CDK5RAP3: variants seen among roughly 807,000 people sequenced by gnomAD.
CDK5RAP3 encodes CDK5 regulatory subunit-associated protein 3.
A neutral mutation model predicts 73.3 loss-of-function variants in CDK5RAP3; 58 were observed. The ratio of observed to expected loss-of-function variants is 0.79; its 90% CI spans 0.64 to 0.98. The LOEUF (loss-of-function observed/expected upper bound fraction) is 0.98, where lower values mean the gene tolerates loss of function less well. Ranked by LOEUF, CDK5RAP3 falls within the 50% of genes least tolerant of loss-of-function variation. The pLI is 0.00. For synonymous variants in CDK5RAP3, 224 were observed against 247.5 expected, an observed-to-expected ratio of 0.91 and a Z score of 0.89; for missense variants, 525 against 615.8, an observed-to-expected ratio of 0.85 and a Z score of 1.56.
At chr17:47,975,684 G>A in intron 7 of CDK5RAP3, 31 bp downstream of exon 7, 1 of 1,577,384 alleles carries the variant, frequency 6.3e-7, no homozygotes, top group Non-Finnish European at 8.6e-7. Flanking sequence ...CCTGGTGGGG[G>A]TGCTTTGCCT....
rs780853275 is a variant in CDK5RAP3 at position 47,981,257 on chromosome 17, G to A, written c.1378G>A (p.Glu460Lys). ...AGAGCTGATGGTGCAGAAGCAGCAG[G>A]AGGCACTTGAGGAGCAGGCGGCTCT... ...KKELMVQKQQ[E>K]ALEEQAALEP... Residue 460 changes from glutamate (E) to lysine (K), a missense_variant, in exon 13 of 14, where the codon GAG becomes AAG. Physicochemically the swap from Glu to Lys is moderately conservative, Grantham distance 56. Around this residue, in one of 2 missense-constraint regions of CDK5RAP3, gnomAD observed 116 missense variants for 186.1 expected, o/e 0.62. Coordinates refer to ENST00000338399, the MANE Select transcript of CDK5RAP3 (RefSeq NM_176096.3). 5 of 1,614,242 alleles carry A rather than the reference G, an allele frequency of 3.1e-6. No homozygotes were observed. In the South Asian group the frequency reaches 3.3e-5, roughly 11 times the overall value.
In CDK5RAP3 at chr17:47,981,514, T is replaced by A; in HGVS notation, c.*12T>A. 1 of 1,614,258 alleles carries A rather than the reference T, an allele frequency of 6.2e-7. No homozygotes were observed. Among genetic ancestry groups the A allele is most frequent in the Non-Finnish European group, 8.5e-7 (1 of 1,180,050 alleles). ...GAACCTCTCTGTGACACCCTCCGTGTTCTTGCCTGCCCATCTTCTCCGCTT... is the reference window on the plus strand; with the variant it reads ...GAACCTCTCTGTGACACCCTCCGTGATCTTGCCTGCCCATCTTCTCCGCTT... On this transcript the variant is annotated 3_prime_UTR_variant, in exon 14 of 14. Transcript: ENST00000338399.
intron 2 of CDK5RAP3, among the ~76,000 whole-genome samples, chr17:47,972,889 A>G (rs1043008004): frequency 1.1e-4 from 16 of 152,210 alleles, no homozygotes; most frequent in Admixed American, 9.2e-4. Context: ...ACCCAGGACC[A>G]TCTGACCACA....
intron 8 of CDK5RAP3, chr17:47,976,348 C>G (rs2036411711): frequency 2.7e-6 from 1 of 369,840 alleles, no homozygotes; most frequent in South Asian, 3.2e-5. Flanking sequence ...GAAGGCAGCC[C>G]CACCCTCCTT....
chr17:47,974,164 T>C, intron 4 of CDK5RAP3, 133 bp downstream of exon 4: 1 of 735,656 alleles, frequency 1.4e-6, no homozygotes, highest in East Asian at 2.6e-5. Flanking sequence ...ACTCTGTCTC[T>C]ATAGTTTACT....
chr17:47,980,413 C>A, intron 11 of CDK5RAP3, 180 bp from the exon 12 acceptor site: 2 of 648,284 alleles, frequency 3.1e-6, no homozygotes, highest in Non-Finnish European at 5.6e-6. Flanking sequence ...GGACTACAGG[C>A]ATACACCACC....
chr17:47,981,057 G>A (rs559413871), intron 12 of CDK5RAP3, 106 bp from the exon 13 acceptor site: 10 of 1,234,946 alleles, frequency 8.1e-6, no homozygotes, highest in South Asian at 2.8e-5. Flanking sequence ...GAGGGTAAGC[G>A]GCCAGTTGGG....
chr17:47,976,080 A>G lies in CDK5RAP3; in HGVS notation c.798+67A>G, dbSNP rs115641190. The G allele has an allele frequency of 3.2e-3, 4,948 of 1,557,854 alleles. 101 individuals are homozygous for G. The African/African-American group carries it at 0.048, about 15-fold the overall frequency. On this transcript the variant is annotated intron_variant, in intron 8 of 13. Transcript: ENST00000338399. ...GCTGCTTGTCCCCTCCCCACCCCCA[A>G]CAGCCCAACCCAAGACCCAGAGAGA...
At chr17:47,981,127 C>T in intron 12 of CDK5RAP3, 36 bp from the exon 13 acceptor site, 1 of 1,590,254 alleles carries the variant, frequency 6.3e-7, no homozygotes, top group Non-Finnish European at 8.6e-7. Context: ...TCAGGATGCA[C>T]AGCTAACCCA....
At chr17:47,976,499 A>T in intron 8 of CDK5RAP3, 1 of 458,816 alleles carries the variant, frequency 2.2e-6, no homozygotes. Context: ...AGCTGGGATT[A>T]CAGGTTTGCA....
At position 47,973,942 on chromosome 17, in the gene CDK5RAP3, T is replaced by C; in HGVS notation, c.196T>C (p.Phe66Leu). The change falls in exon 4 of 14, where the codon TTT (phenylalanine) becomes CTT (leucine). Residue 66 changes from phenylalanine (F) to leucine (L), a missense_variant. By Grantham distance (22) the Phe-to-Leu change is conservative. Around this residue, in one of 2 missense-constraint regions of CDK5RAP3, gnomAD observed 409 missense variants for 429.8 expected, o/e 0.95. Transcript: ENST00000338399. ...CTCTTGCTTTCTAGACATTCACTACTTTCACTGCCTAAGAATCCTGGACCT... is the reference window on the plus strand; with the variant it reads ...CTCTTGCTTTCTAGACATTCACTACCTTCACTGCCTAAGAATCCTGGACCT... Reference protein sequence around the residue: ...QLLSGSYIHYFHCLRILDLLK... With the variant: ...QLLSGSYIHYLHCLRILDLLK... The C allele has an allele frequency of 1.2e-6, 2 of 1,613,346 alleles. No individual in the cohort carries two copies. The highest frequency in any genetic ancestry group is 1.7e-6 in the Non-Finnish European group (2 of 1,179,246).
At chr17:47,979,875 G>A (rs1443923783) in intron 11 of CDK5RAP3, 1 of 152,264 alleles carries the variant, frequency 6.6e-6, no homozygotes, top group Non-Finnish European at 1.5e-5. Context: ...AGTTTTAACG[G>A]CAGAATAGGA....
intron 12 of CDK5RAP3, 69 bp downstream of exon 12, chr17:47,980,867 G>T: frequency 6.7e-7 from 1 of 1,489,662 alleles, no homozygotes; most frequent in Non-Finnish European, 9.4e-7. Context: ...TCCTCCTCTT[G>T]TTCCATGACC....
chr17:47,969,658 C>A (rs985207478), upstream of CDK5RAP3, among the ~76,000 whole-genome samples: 5 of 151,814 alleles, frequency 3.3e-5, no homozygotes, highest in Admixed American at 1.3e-4. Flanking sequence ...ACTCTACCCA[C>A]TTCTTGGCCA....
Position 47,975,333 on chromosome 17 carries a change from T to A in CDK5RAP3, c.509T>A (p.Ile170Asn). ...TACCACTCCTGCAAGCAGTATGGCATCACGGTGAGCGGCGGCAGCCTCTTC... is the reference window on the plus strand; with the variant it reads ...TACCACTCCTGCAAGCAGTATGGCAACACGGTGAGCGGCGGCAGCCTCTTC... ...QFYHSCKQYG[I>N]TGENVRGELL... The change falls in exon 6 of 14, where the codon ATC becomes AAC. Residue 170 changes from isoleucine to asparagine, a missense_variant. By Grantham distance (149) the Ile-to-Asn change is moderately radical. Around this residue, in one of 2 missense-constraint regions of CDK5RAP3, gnomAD observed 409 missense variants for 429.8 expected, o/e 0.95. Coordinates refer to ENST00000338399, the MANE Select transcript of CDK5RAP3 (RefSeq NM_176096.3). 1 of 1,613,670 alleles carries A rather than the reference T, an allele frequency of 6.2e-7. No individual in the cohort carries two copies. The highest frequency in any genetic ancestry group is 8.5e-7 in the Non-Finnish European group (1 of 1,179,676).
At chr17:47,972,899 A>T (rs1018942955) in intron 2 of CDK5RAP3, among the ~76,000 whole-genome samples, 1 of 152,184 alleles carries the variant, frequency 6.6e-6, no homozygotes, top group Non-Finnish European at 1.5e-5. Flanking sequence ...ATCTGACCAC[A>T]AAGCTCAGCT....
At chr17:47,974,503 G>T in intron 5 of CDK5RAP3, 55 bp downstream of exon 5, 1 of 1,613,588 alleles carries the variant, frequency 6.2e-7, no homozygotes, top group Non-Finnish European at 8.5e-7. Context: ...CACTCTCAGA[G>T]TTCTGAGATA....
intron 10 of CDK5RAP3, among the ~76,000 whole-genome samples, chr17:47,978,320 C>T (rs949025125): frequency 3.3e-5 from 5 of 151,944 alleles, no homozygotes; most frequent in African/African-American, 1.2e-4. Flanking sequence ...ATCCACCTGC[C>T]TCGGCCTCCC....
chr17:47,972,005 A>T (rs2036282577), intron 2 of CDK5RAP3, among the ~76,000 whole-genome samples: 1 of 151,790 alleles, frequency 6.6e-6, no homozygotes, highest in Non-Finnish European at 1.5e-5. Context: ...CAAAAAGAAG[A>T]CAAAAAACAG....
Sources: allele counts gnomAD v4.1 joint callset (sites outside exome capture counted in the v4.1 genomes callset), GRCh38; gene constraint gnomAD v4.1.1; regional missense constraint gnomAD v4.1.1; transcripts MANE v1.5; gene names NCBI Gene and HGNC (gene_info 2026-07-23, HGNC 2026-07-21).